ACP3: variants seen among roughly 807,000 people sequenced by gnomAD.
ACP3 encodes prostatic acid phosphatase.
A neutral mutation model predicts 45.6 loss-of-function variants in ACP3; 38 were observed. That is an observed-to-expected ratio of 0.83 (90% confidence interval 0.64 to 1.09). The LOEUF is 1.09. ACP3 is among the 50% of genes least tolerant of loss of function. The probability of loss-of-function intolerance (pLI) is 0.00; values close to 1 mark genes in which losing one functional copy is unlikely to be tolerated. For synonymous variants in ACP3, 162 were observed against 164.7 expected (o/e 0.98, Z 0.13); for missense variants, 466 against 463.2 (o/e 1.01, Z -0.05).
chr3:132,338,364 CT>C lies in ACP3; in HGVS notation c.555+818del, dbSNP rs892111754. Among the ~76,000 whole-genome samples the C allele has an allele frequency of 2.2e-3, 328 of 149,714 alleles. 1 individual carries two copies. The highest frequency in any genetic ancestry group is 7.4e-3 in the African/African-American group (301 of 40,796). On this transcript the variant is annotated intron_variant, in intron 5 of 9. Transcript: ENST00000336375. The stretch of plus-strand genomic sequence containing the variant: ...GAGTTTCCTCCTTTTCTTTCTTTTC[CT>C]TTTTTTTAACAAATGTGTAATATTT...
intron 1 of ACP3, among the ~76,000 whole-genome samples, 196 bp from the exon 2 acceptor site, chr3:132,328,071 C>T (rs1036276983): frequency 6.6e-6 from 1 of 152,126 alleles, no homozygotes; most frequent in African/African-American, 2.4e-5. Flanking sequence ...GATGTCCTGG[C>T]CACATCCCAG....
chr3:132,319,235 A>G (rs1937161617), intron 1 of ACP3, among the ~76,000 whole-genome samples: 1 of 152,198 alleles, frequency 6.6e-6, no homozygotes, highest in Non-Finnish European at 1.5e-5. Flanking sequence ...TCTTATTTTT[A>G]TTGACTAAAG....
At chr3:132,339,191 T>C (rs16839117) in intron 5 of ACP3, among the ~76,000 whole-genome samples, 3,272 of 152,290 alleles carry the variant, frequency 0.021, 115 homozygotes, top group African/African-American at 0.073. Context: ...TTTTAGAAGC[T>C]TTTTTCTATG....
In ACP3 at chr3:132,348,264, T is replaced by A. The variant is rs560727665; in HGVS notation, c.782-1656T>A. On this transcript the variant is annotated intron_variant, in intron 7 of 9. Coordinates refer to ENST00000336375, the MANE Select transcript of ACP3 (RefSeq NM_001099.5). ...AAGATTTAATAAAGGATACAACAGATAACTTTGAAGCTAGCTTTCCACGAT... is the reference window on the plus strand; with the variant it reads ...AAGATTTAATAAAGGATACAACAGAAAACTTTGAAGCTAGCTTTCCACGAT... Among the ~76,000 whole-genome samples, 3 of 152,306 alleles carry A rather than the reference T, an allele frequency of 2.0e-5. No individual in the cohort carries two copies. In the East Asian group the frequency reaches 5.8e-4, roughly 29 times the overall value.
rs1937150928 is a variant in ACP3 at position 132,318,613 on chromosome 3, G to T, written c.120+1037G>T. Among the ~76,000 whole-genome samples, 6 of 151,666 alleles carry T rather than the reference G, an allele frequency of 4.0e-5. No homozygotes were observed. The South Asian group carries it at 1.2e-3, about 32-fold the overall frequency. ...TTATAGTCCAGTAAATCCTTACTAG[G>T]TCATGAGTCAACAATGACAGAAAAC... On this transcript the variant is annotated intron_variant, in intron 1 of 9. Transcript: ENST00000336375.
chr3:132,324,883 C>T (rs1241921950), intron 1 of ACP3, among the ~76,000 whole-genome samples: 7 of 152,148 alleles, frequency 4.6e-5, no homozygotes, highest in Non-Finnish European at 1.0e-4. Flanking sequence ...CCTCATGATC[C>T]GCCTGCCTCA....
intron 7 of ACP3, 24 bp from the exon 8 acceptor site, chr3:132,349,896 G>T (rs760187321): frequency 2.0e-6 from 3 of 1,537,726 alleles, no homozygotes; most frequent in Non-Finnish European, 2.7e-6. Context: ...GGTTCAGTTT[G>T]GTTATTGATT....
chr3:132,318,672 G>A (rs1044652837), intron 1 of ACP3, among the ~76,000 whole-genome samples: 4 of 151,814 alleles, frequency 2.6e-5, no homozygotes, highest in African/African-American at 9.7e-5. Context: ...ATTTACAAAT[G>A]ATTCACCAGC....
chr3:132,330,824 C>A (rs970355592), intron 2 of ACP3, among the ~76,000 whole-genome samples: 1 of 152,222 alleles, frequency 6.6e-6, no homozygotes, highest in African/African-American at 2.4e-5. Flanking sequence ...TGCTCTACTA[C>A]ATGCATCTGA....
At chr3:132,321,966 A>G (rs1428137439) in intron 1 of ACP3, among the ~76,000 whole-genome samples, 1 of 152,242 alleles carries the variant, frequency 6.6e-6, no homozygotes, top group East Asian at 1.9e-4. Context: ...GGCTTTACAT[A>G]TATTACACAT....
At chr3:132,341,552 G>A (rs569853981) in intron 5 of ACP3, among the ~76,000 whole-genome samples, 1 of 152,250 alleles carries the variant, frequency 6.6e-6, no homozygotes, top group East Asian at 1.9e-4. Flanking sequence ...ATTTACAAGT[G>A]GCATTGAACT....
intron 7 of ACP3, among the ~76,000 whole-genome samples, chr3:132,347,219 G>T (rs1937620022): frequency 6.6e-6 from 1 of 152,190 alleles, no homozygotes; most frequent in African/African-American, 2.4e-5. Flanking sequence ...AAAAAGTCCA[G>T]CGCCATTGTT....
chr3:132,323,144 G>A (rs753053181), intron 1 of ACP3, among the ~76,000 whole-genome samples: 2 of 151,536 alleles, frequency 1.3e-5, no homozygotes, highest in Non-Finnish European at 2.9e-5. Context: ...TAAGACAGAG[G>A]GGAAAGACAA....
chr3:132,358,645 T>A lies in ACP3; in HGVS notation c.*1767T>A, dbSNP rs1937973625. On this transcript the variant is annotated 3_prime_UTR_variant, in exon 10 of 10. Transcript: ENST00000336375. ...CATCGATTGATATGCTTCTTTGTGT[T>A]ATTTCCCTCCCAAGTAAATGTTTGT... 1.9e-6 allele frequency: 2 copies of A among 1,030,536 alleles called. No individual in the cohort carries two copies. Among genetic ancestry groups the A allele is most frequent in the Non-Finnish European group, 2.3e-6 (2 of 852,256 alleles). The allele number at this position is 1,030,536 out of a possible 1,614,324, so 63.8% of individuals were successfully genotyped here.
chr3:132,328,838 A>T (rs1435042689), intron 2 of ACP3, among the ~76,000 whole-genome samples: 1 of 152,236 alleles, frequency 6.6e-6, no homozygotes, highest in Non-Finnish European at 1.5e-5. Flanking sequence ...GAAGAGAGCC[A>T]AGTGGTAATC....
Position 132,357,108 on chromosome 3 carries a change from A to C in ACP3, c.*230A>C, listed in dbSNP as rs1418575326. The C allele has an allele frequency of 7.2e-6, 9 of 1,255,194 alleles. No individual in the cohort carries two copies. Among genetic ancestry groups the C allele is most frequent in the Non-Finnish European group, 9.0e-6 (9 of 994,658 alleles). 77.8% of individuals were successfully genotyped at this position (1,255,194 alleles called of 1,614,324 possible). A position where few individuals can be genotyped will look rare whatever the true frequency, so the allele number is the denominator to read the frequency against. The stretch of plus-strand genomic sequence containing the variant: ...TGTTTTGTTTTTCAGCGTTAATGTA[A>C]AGGGGCAGCAGTGCCAAAATATAAT... On this transcript the variant is annotated 3_prime_UTR_variant, in exon 10 of 10. Coordinates refer to ENST00000336375, the MANE Select transcript of ACP3 (RefSeq NM_001099.5).
chr3:132,345,030 A>G lies in ACP3; in HGVS notation c.752A>G (p.Lys251Arg). The G allele has an allele frequency of 1.2e-6, 2 of 1,613,650 alleles. No individual in the cohort carries two copies. The highest frequency in any genetic ancestry group is 2.2e-5 in the South Asian group (2 of 91,068). Reference protein sequence around the residue: ...LSLLSLYGIHKQKEKSRLQGG... With the variant: ...LSLLSLYGIHRQKEKSRLQGG... Reference sequence around the variant, plus strand: ...CTCCTGTCCCTCTATGGAATTCACAAGCAGAAAGAGAAATCTAGGCTCCAA... The same window carrying G: ...CTCCTGTCCCTCTATGGAATTCACAGGCAGAAAGAGAAATCTAGGCTCCAA... The change falls in exon 7 of 10, where the codon AAG becomes AGG. Residue 251 changes from lysine (K) to arginine (R), a missense_variant. Coordinates refer to ENST00000336375, the MANE Select transcript of ACP3 (RefSeq NM_001099.5).
chr3:132,328,201 T>C (rs1389601025), intron 1 of ACP3, 66 bp from the exon 2 acceptor site: 10 of 1,296,452 alleles, frequency 7.7e-6, no homozygotes, highest in Non-Finnish European at 8.7e-6. Context: ...AAAAAACTAT[T>C]ATAATGAGCA....
chr3:132,349,495 C>T (rs1427779713), intron 7 of ACP3, among the ~76,000 whole-genome samples: 1 of 152,168 alleles, frequency 6.6e-6, no homozygotes, highest in African/African-American at 2.4e-5. Flanking sequence ...GCTGTGCTGT[C>T]ATTTCAGGTC....
Sources: allele counts gnomAD v4.1 joint callset (sites outside exome capture counted in the v4.1 genomes callset), GRCh38; gene constraint gnomAD v4.1.1; transcripts MANE v1.5; gene names NCBI Gene and HGNC (gene_info 2026-07-23, HGNC 2026-07-21).